Variants in ITLN2 observed in about 807,000 individuals in gnomAD.
ITLN2 encodes intelectin-2.
In ITLN2, 29 loss-of-function variants were observed where a neutral mutation model predicts 39.4. The observed-to-expected ratio is 0.74, with a 90% CI of 0.55 to 1.00. ITLN2 has a LOEUF of 1.00. ITLN2 is among the 50% of genes least tolerant of loss of function. The pLI, the probability that ITLN2 is intolerant of heterozygous loss-of-function variation, is 0.00. For synonymous variants in ITLN2, 156 were observed against 153.4 expected (o/e 1.02, Z -0.12); for missense variants, 412 against 416.7 (o/e 0.99, Z 0.10).
intron 7 of ITLN2, among the ~76,000 whole-genome samples, chr1:160,947,503 G>A (rs1671633000): frequency 6.6e-6 from 1 of 152,162 alleles, no homozygotes; most frequent in South Asian, 2.1e-4. Flanking sequence ...GGGATGGTAA[G>A]GTCTTTCCTC....
Position 160,948,002 on chromosome 1 carries a change from C to A in ITLN2, c.752G>T (p.Arg251Leu). ...REFVAGFVQF[R>L]VFNNERAANA... ...GGCTGCTCTCTCGTTATTAAACACC[C>A]GGAACTGAACGAATCCTGCAACAAA... The change falls in exon 7 of 8, where the codon CGG becomes CTG. Residue 251 changes from arginine (R) to leucine (L), a missense_variant. Transcript: ENST00000368029. 1 of 1,614,002 alleles carries A rather than the reference C, an allele frequency of 6.2e-7. No homozygotes were observed. The highest frequency in any genetic ancestry group is 8.5e-7 in the Non-Finnish European group (1 of 1,179,978).
At chr1:160,946,236 G>A (rs867237772) in intron 7 of ITLN2, among the ~76,000 whole-genome samples, 7 of 152,044 alleles carry the variant, frequency 4.6e-5, no homozygotes, top group African/African-American at 1.5e-4. Context: ...ACTTGAACCC[G>A]GGAGGCAGAG....
At position 160,954,186 on chromosome 1, in the gene ITLN2, T is replaced by TCAGAC. The variant is rs147165026; in HGVS notation, c.79+196_79+200dup. Among the ~76,000 whole-genome samples the TCAGAC allele has an allele frequency of 5.6e-3, 845 of 152,088 alleles. 6 individuals carry two copies. The highest frequency in any genetic ancestry group is 0.019 in the African/African-American group (806 of 41,524). On this transcript the variant is annotated intron_variant, in intron 2 of 7. Transcript: ENST00000368029. ...TACCTGAGCTAACACCCTGACTGCT[T>TCAGAC]CAGACCAGACCCCAGGAGAGGCCAG...
intron 3 of ITLN2, 158 bp from the exon 4 acceptor site, chr1:160,951,448 C>T: frequency 3.3e-6 from 3 of 907,736 alleles, no homozygotes; most frequent in Admixed American, 3.0e-5. Context: ...GTTCTGCTCA[C>T]CTATGAGCAG....
At chr1:160,949,132 G>T (rs911029714) in intron 6 of ITLN2, 5 of 152,034 alleles carry the variant, frequency 3.3e-5, no homozygotes, top group Admixed American at 1.3e-4. Flanking sequence ...AAAAGGTGCT[G>T]TGCTTTTGAC....
chr1:160,947,479 G>A (rs943353394), intron 7 of ITLN2, among the ~76,000 whole-genome samples: 9 of 152,126 alleles, frequency 5.9e-5, no homozygotes, highest in Non-Finnish European at 1.2e-4. Flanking sequence ...GACCCTTTAC[G>A]GGTGTCAGGC....
intron 6 of ITLN2, among the ~76,000 whole-genome samples, chr1:160,948,434 C>A (rs958210841): frequency 2.0e-5 from 3 of 152,176 alleles, no homozygotes; most frequent in African/African-American, 7.2e-5. Context: ...GTTTCCCTGA[C>A]CATCACCTGC....
In ITLN2 at chr1:160,951,494, A is replaced by G. The variant is rs1192545284; in HGVS notation, c.194-204T>C. On this transcript the variant is annotated intron_variant, in intron 3 of 7. Transcript: ENST00000368029. ...TGTCTTGGCTTCACACTATCTTTTC[A>G]AAGAGTTTGTAGAGCAAATAGTCTT... is the stretch of plus-strand genomic sequence containing the variant. The G allele has an allele frequency of 9.4e-6, 6 of 635,670 alleles. No homozygotes were observed. In the African/African-American group the frequency reaches 1.1e-4, roughly 12 times the overall value. The allele number at this position is 635,670 out of a possible 1,614,324, so 39.4% of individuals were successfully genotyped here.
rs1247474153 is a variant in ITLN2, at chr1:160,950,034, G to A, written c.721+12C>T. ...AAATATTTATGACTGGACTTAGGGAGCAAACACTCACGTTGACCATACGGT... is the reference window on the plus strand; with the variant it reads ...AAATATTTATGACTGGACTTAGGGAACAAACACTCACGTTGACCATACGGT... On this transcript the variant is annotated intron_variant, in intron 6 of 7. Transcript: ENST00000368029. 2.6e-5 allele frequency: 42 copies of A among 1,611,198 alleles called. No individual in the cohort carries two copies. Among genetic ancestry groups the A allele is most frequent in the Non-Finnish European group, 3.1e-5 (37 of 1,177,974 alleles).
intron 6 of ITLN2, 61 bp downstream of exon 6, chr1:160,949,985 C>A: frequency 6.7e-7 from 1 of 1,499,258 alleles, no homozygotes; most frequent in Non-Finnish European, 9.2e-7. Flanking sequence ...TTGTTATTTG[C>A]CACCATTCTC....
intron 6 of ITLN2, among the ~76,000 whole-genome samples, chr1:160,948,276 A>T (rs1342517291): frequency 6.6e-6 from 1 of 152,160 alleles, no homozygotes; most frequent in Non-Finnish European, 1.5e-5. Context: ...TCACAAAAGG[A>T]CCCAGGTCTG....
chr1:160,954,193 A>G (rs1371399273), intron 2 of ITLN2, among the ~76,000 whole-genome samples, 194 bp downstream of exon 2: 1 of 152,122 alleles, frequency 6.6e-6, no homozygotes, highest in East Asian at 1.9e-4. Context: ...GCTTCAGACC[A>G]GACCCCAGGA....
intron 7 of ITLN2, among the ~76,000 whole-genome samples, chr1:160,946,581 T>G (rs1215979454): frequency 1.3e-5 from 2 of 151,110 alleles, no homozygotes; most frequent in Non-Finnish European, 2.9e-5. Flanking sequence ...GGCGTGGTGG[T>G]GGGCCCCTGT....
chr1:160,950,845 C>A, intron 4 of ITLN2, 134 bp from the exon 5 acceptor site: 1 of 1,466,728 alleles, frequency 6.8e-7, no homozygotes, highest in Non-Finnish European at 9.3e-7. Context: ...AGACACCCCA[C>A]TCCCAGCTGA....
chr1:160,950,179 A>T lies in ITLN2; in HGVS notation c.601-13T>A. 1.2e-6 allele frequency: 2 copies of T among 1,613,804 alleles called. No individual in the cohort carries two copies. The highest frequency in any genetic ancestry group is 1.7e-6 in the Non-Finnish European group (2 of 1,179,716). ...TCACTGGGTATTTCTGCAGAGACCCAGAAGAAAGGTTTTGTGAGGACAGTA... is the reference window on the plus strand; with the variant it reads ...TCACTGGGTATTTCTGCAGAGACCCTGAAGAAAGGTTTTGTGAGGACAGTA... On this transcript the variant is annotated splice_polypyrimidine_tract_variant and intron_variant, in intron 5 of 7. Coordinates refer to ENST00000368029, the MANE Select transcript of ITLN2 (RefSeq NM_080878.3).
intron 1 of ITLN2, 50 bp downstream of exon 1, chr1:160,954,677 G>A: frequency 6.2e-7 from 1 of 1,605,424 alleles, no homozygotes; most frequent in Non-Finnish European, 8.5e-7. Context: ...ACTGAGACCT[G>A]AGCTGGCATC....
intron 2 of ITLN2, among the ~76,000 whole-genome samples, chr1:160,953,897 T>G (rs1671805489): frequency 6.6e-6 from 1 of 151,996 alleles, no homozygotes; most frequent in Non-Finnish European, 1.5e-5. Flanking sequence ...ACTGATGGAT[T>G]GAAATAAACA....
At chr1:160,950,389 A>G (rs1209538154) in intron 5 of ITLN2, among the ~76,000 whole-genome samples, 164 bp downstream of exon 5, 1 of 152,036 alleles carries the variant, frequency 6.6e-6, no homozygotes, top group African/African-American at 2.4e-5. Context: ...GCTGGCTTAG[A>G]GTTTCTGAGA....
At position 160,947,916 on chromosome 1, in the gene ITLN2, C is replaced by T. The variant is rs950695893; in HGVS notation, c.825+13G>A. On this transcript the variant is annotated intron_variant, in intron 7 of 7. Transcript: ENST00000368029. Reference sequence around the variant, plus strand: ...TCCCCACACGTGGGCCATTGATCTCCCCAAAAACTCACATGCTCAGTGTTA... The same window carrying T: ...TCCCCACACGTGGGCCATTGATCTCTCCAAAAACTCACATGCTCAGTGTTA... 9 of 1,590,740 alleles carry T rather than the reference C, an allele frequency of 5.7e-6. No homozygotes were observed. The African/African-American group carries it at 6.7e-5, about 12-fold the overall frequency.
Sources: allele counts gnomAD v4.1 joint callset (sites outside exome capture counted in the v4.1 genomes callset), GRCh38; gene constraint gnomAD v4.1.1; transcripts MANE v1.5; gene names NCBI Gene and HGNC (gene_info 2026-07-23, HGNC 2026-07-21).